UBXN2A: variants seen among roughly 807,000 people sequenced by gnomAD.
UBXN2A encodes UBX domain protein 2A, also known as UBX domain-containing protein 2A.
In UBXN2A, 28 loss-of-function variants were observed where a neutral mutation model predicts 28.4. The observed-to-expected ratio is 0.99, with a 90% CI of 0.73 to 1.35. UBXN2A has a LOEUF of 1.35. UBXN2A is among the 40% of genes most tolerant of loss of function. The pLI is 0.00. For missense variants in UBXN2A, 253 were observed against 297.9 expected (o/e 0.85, Z 1.11); for synonymous variants, 97 against 103.6 (o/e 0.94, Z 0.39).
At chr2:23,994,631 G>A (rs1256725525) in intron 6 of UBXN2A, among the ~76,000 whole-genome samples, 4 of 152,118 alleles carry the variant, frequency 2.6e-5, no homozygotes, top group Non-Finnish European at 5.9e-5. Context: ...TTTCATTTGA[G>A]TCTGTTATTT....
Position 23,961,563 on chromosome 2 carries a change from T to G in UBXN2A, c.41+3208T>G, listed in dbSNP as rs113966353. On this transcript the variant is annotated intron_variant, in intron 2 of 6. Transcript: ENST00000309033. Reference sequence around the variant, plus strand: ...CCTTTTTTTTTTTTTTTTTTTTTTTTGGTGAGATGAAGTCTTGCTCTGTCA... The same window carrying G: ...CCTTTTTTTTTTTTTTTTTTTTTTTGGGTGAGATGAAGTCTTGCTCTGTCA... 2.0e-3 allele frequency among the ~76,000 whole-genome samples: 246 copies of G among 120,488 alleles called. 1 individual carries two copies. The highest frequency in any genetic ancestry group is 9.6e-3 in the Middle Eastern group (2 of 208). 79.0% of individuals were successfully genotyped at this position (120,488 alleles called of 152,430 possible).
intron 6 of UBXN2A, among the ~76,000 whole-genome samples, chr2:23,991,503 C>T (rs111247693): frequency 0.12 from 17,914 of 151,930 alleles, 1,151 homozygotes; most frequent in Middle Eastern, 0.22. Flanking sequence ...GAGTCTCTCT[C>T]TGTTGCCTAG....
At chr2:23,986,031 G>A (rs566278937) in intron 6 of UBXN2A, among the ~76,000 whole-genome samples, 17 of 151,950 alleles carry the variant, frequency 1.1e-4, no homozygotes, top group African/African-American at 3.6e-4. Flanking sequence ...GAAGTTGGCC[G>A]GGCACGGTGG....
upstream of UBXN2A, among the ~76,000 whole-genome samples, chr2:23,938,872 C>T (rs1455647300): frequency 1.3e-5 from 2 of 152,130 alleles, no homozygotes; most frequent in Non-Finnish European, 2.9e-5. Context: ...ACCAAAAAAT[C>T]GGAAGAGCTC....
chr2:23,969,257 C>G (rs533349205), intron 2 of UBXN2A, among the ~76,000 whole-genome samples: 1 of 152,118 alleles, frequency 6.6e-6, no homozygotes, highest in African/African-American at 2.4e-5. Context: ...CTACTATAGG[C>G]TGGATACAGT....
At chr2:23,980,153 A>G (rs1474370005) in intron 4 of UBXN2A, among the ~76,000 whole-genome samples, 3 of 152,166 alleles carry the variant, frequency 2.0e-5, no homozygotes, top group Admixed American at 6.6e-5. Context: ...TAACATAACC[A>G]TGAATCTACT....
chr2:23,971,580 C>T (rs1488460716), intron 3 of UBXN2A, among the ~76,000 whole-genome samples, 166 bp downstream of exon 3: 1 of 152,080 alleles, frequency 6.6e-6, no homozygotes, highest in Non-Finnish European at 1.5e-5. Context: ...CCTCAACCTC[C>T]TGGGTTCAAG....
At chr2:23,933,781 G>A (rs1705445476) in intron 1 of UBXN2A, among the ~76,000 whole-genome samples, 1 of 152,068 alleles carries the variant, frequency 6.6e-6, no homozygotes, top group African/African-American at 2.4e-5. Flanking sequence ...TGGAGCTAAA[G>A]TGAAACACTG....
intron 1 of UBXN2A, among the ~76,000 whole-genome samples, chr2:23,941,940 G>A (rs1404691562): frequency 6.6e-6 from 1 of 152,136 alleles, no homozygotes; most frequent in East Asian, 1.9e-4. Flanking sequence ...AGCTGGGCGT[G>A]ATGGGGGGCG....
At chr2:23,966,166 A>G (rs1020858056) in intron 2 of UBXN2A, among the ~76,000 whole-genome samples, 3 of 151,526 alleles carry the variant, frequency 2.0e-5, no homozygotes, top group Middle Eastern at 3.4e-3. Context: ...TAAAGACAGA[A>G]TCTCTCTTTG....
chr2:23,939,879 G>A (rs1705661030), upstream of UBXN2A, among the ~76,000 whole-genome samples: 1 of 152,186 alleles, frequency 6.6e-6, no homozygotes, highest in Admixed American at 6.5e-5. Flanking sequence ...GGAGACCAAG[G>A]CGGGCGGATC....
At chr2:23,955,911 C>T (rs1181445189) in intron 1 of UBXN2A, among the ~76,000 whole-genome samples, 1 of 152,246 alleles carries the variant, frequency 6.6e-6, no homozygotes, top group Non-Finnish European at 1.5e-5. Context: ...TCATCTCAGG[C>T]TGGAGTGCTG....
intron 1 of UBXN2A, among the ~76,000 whole-genome samples, chr2:23,933,710 A>G (rs1481613840): frequency 6.6e-6 from 1 of 152,044 alleles, no homozygotes; most frequent in Non-Finnish European, 1.5e-5. Context: ...CAGCAGGGCA[A>G]GACCCTGTCT....
At chr2:23,927,579 TA>T (rs143565872) in exon 1 of UBXN2A, 10 of 126,498 alleles carry the variant, frequency 7.9e-5, no homozygotes, top group South Asian at 5.3e-4. Context: ...ACAGCTGTGA[TA>T]AAAAAAAAAT....
At chr2:23,998,213 A>G (rs1033899798) in intron 6 of UBXN2A, among the ~76,000 whole-genome samples, 4 of 152,122 alleles carry the variant, frequency 2.6e-5, no homozygotes, top group Non-Finnish European at 5.9e-5. Context: ...TGTCATCATC[A>G]TTGATACATG....
At chr2:23,986,312 A>G (rs1459373830) in intron 6 of UBXN2A, among the ~76,000 whole-genome samples, 2 of 152,004 alleles carry the variant, frequency 1.3e-5, no homozygotes, top group Non-Finnish European at 2.9e-5. Context: ...TCCATCTCAA[A>G]AAATAATAAT....
chr2:23,967,108 T>C (rs1173283947), intron 2 of UBXN2A, among the ~76,000 whole-genome samples: 1 of 151,978 alleles, frequency 6.6e-6, no homozygotes, highest in East Asian at 1.9e-4. Flanking sequence ...TCTACTCTAC[T>C]CTTACTATAC....
In UBXN2A at chr2:23,954,137, C is replaced by T. The variant is rs796519490; in HGVS notation, c.-14-4164C>T. ...AAGTGATTCTCCTGCCTCAGCCTCC[C>T]GAGTAGCTGGGACTACCCATTAAGT... On this transcript the variant is annotated intron_variant, in intron 1 of 6. Coordinates refer to ENST00000309033, the MANE Select transcript of UBXN2A (RefSeq NM_181713.4). Among the ~76,000 whole-genome samples the T allele has an allele frequency of 9.9e-5, 15 of 152,252 alleles. 1 individual carries two copies. The highest frequency in any genetic ancestry group is 3.1e-4 in the African/African-American group (13 of 41,554).
At chr2:23,986,522 G>T (rs1345376704) in intron 6 of UBXN2A, among the ~76,000 whole-genome samples, 1 of 151,424 alleles carries the variant, frequency 6.6e-6, no homozygotes, top group Non-Finnish European at 1.5e-5. Context: ...AACATTAAAA[G>T]AAATTGAAGT....
Sources: allele counts gnomAD v4.1 joint callset (sites outside exome capture counted in the v4.1 genomes callset), GRCh38; gene constraint gnomAD v4.1.1; transcripts MANE v1.5; gene names NCBI Gene and HGNC (gene_info 2026-07-23, HGNC 2026-07-21).